Variants in DACH2 observed in about 807,000 individuals in gnomAD.
DACH2 encodes dachshund homolog 2.
DACH2 carries 17 observed loss-of-function variants against 35.8 expected under a neutral mutation model. The observed-to-expected ratio is 0.48, with a 90% confidence interval of 0.33 to 0.71. The LOEUF is 0.71. DACH2 is among the 30% of genes least tolerant of loss of function. The pLI is 0.02. For missense variants in DACH2, 469 were observed against 472.7 expected, an observed-to-expected ratio of 0.99 and a Z score of 0.07; for synonymous variants, 195 against 177.3, an observed-to-expected ratio of 1.10 and a Z score of -0.79.
At chrX:86,231,434 T>C (rs2032946261) in intron 1 of DACH2, among the ~76,000 whole-genome samples, 1 of 108,642 alleles carries the variant, frequency 9.2e-6, no homozygotes, top group Non-Finnish European at 1.9e-5. Context: ...AGACTCTCTT[T>C]GGGCAGGTCT....
chrX:86,794,083 A>G lies in DACH2; in HGVS notation c.1241-18773A>G, dbSNP rs934493741. On this transcript the variant is annotated intron_variant, in intron 7 of 11. Transcript: ENST00000373125. The stretch of plus-strand genomic sequence containing the variant: ...CCATTGCCTGTATAAGGCTTTTAAG[A>G]TATTTACAACAAAACATTTCCCTGT... Among the ~76,000 whole-genome samples, 6 of 111,772 alleles carry G rather than the reference A, an allele frequency of 5.4e-5. No homozygotes were observed. In the East Asian group the frequency reaches 1.7e-3, roughly 32 times the overall value.
intron 1 of DACH2, among the ~76,000 whole-genome samples, chrX:86,249,443 T>A (rs1189076370): frequency 9.0e-6 from 1 of 111,260 alleles, no homozygotes; most frequent in Non-Finnish European, 1.9e-5. Context: ...AACAAGCATA[T>A]GAAAAAATGT....
intron 1 of DACH2, among the ~76,000 whole-genome samples, chrX:86,249,305 G>C (rs2033352214): frequency 9.0e-6 from 1 of 110,927 alleles, no homozygotes; most frequent in Non-Finnish European, 1.9e-5. Flanking sequence ...TCTTATGCAT[G>C]CAACAAATGT....
chrX:86,739,751 G>A lies in DACH2; in HGVS notation c.1109G>A (p.Arg370Gln), dbSNP rs2041634061. The A allele has an allele frequency of 3.4e-6, 4 of 1,171,664 alleles. No homozygotes were observed. Among genetic ancestry groups the A allele is most frequent in the Non-Finnish European group, 4.6e-6 (4 of 875,270 alleles). Residue 370 changes from arginine (R) to glutamine (Q), a missense_variant, in exon 7 of 12, where the codon CGG becomes CAG. Arg to Gln is a conservative substitution (Grantham distance 43, BLOSUM62 1). Around this residue, in one of 3 missense-constraint regions of DACH2, gnomAD observed 363 missense variants for 334.4 expected, o/e 1.09. Transcript: ENST00000373125. ...TTGTGTTTCCTTTTGTGTCAGGAGCGGATCCCAGAGAGTCCTTCTCCTGCT... is the reference window on the plus strand; with the variant it reads ...TTGTGTTTCCTTTTGTGTCAGGAGCAGATCCCAGAGAGTCCTTCTCCTGCT... ...SRAGTSVIKE[R>Q]IPESPSPAPS...
chrX:86,595,639 T>A (rs2039701468), intron 3 of DACH2, among the ~76,000 whole-genome samples: 1 of 110,667 alleles, frequency 9.0e-6, no homozygotes, highest in Admixed American at 9.7e-5. Context: ...ATATCTTCCA[T>A]GTTTGTAACT....
At chrX:86,786,449 T>C (rs1439184624) in intron 7 of DACH2, among the ~76,000 whole-genome samples, 1 of 111,661 alleles carries the variant, frequency 9.0e-6, no homozygotes, top group East Asian at 2.8e-4. Context: ...ATGGTTATCA[T>C]CACAATAAGG....
chrX:86,695,038 TG>T lies in DACH2; in HGVS notation c.793del (p.Asp265IlefsTer23). 9.3e-7 allele frequency: 1 copy of T among 1,073,856 alleles called. No homozygotes were observed. 88.5% of individuals were successfully genotyped at this position (1,073,856 alleles called of 1,213,427 possible). On this transcript the variant is annotated frameshift_variant, in exon 5 of 12. Transcript: ENST00000373125. LOFTEE classifies it high-confidence loss of function. The part of the protein sequence containing the change: ...NSNTGGSESS[W>X]DKDKMQSPFA... ...TTTTTCAGGTGGAAGTGAATCCTCC[TG>T]GGATAAAGATAAGATGCAGTCTCCA...
chrX:86,670,330 T>A (rs1247497979), intron 4 of DACH2, among the ~76,000 whole-genome samples: 1 of 111,554 alleles, frequency 9.0e-6, no homozygotes, highest in Non-Finnish European at 1.9e-5. Context: ...ATGCTGAGAG[T>A]TATGTGGATT....
intron 2 of DACH2, among the ~76,000 whole-genome samples, chrX:86,503,793 G>T (rs993368939): frequency 3.6e-5 from 4 of 111,878 alleles, no homozygotes; most frequent in East Asian, 2.8e-4. Flanking sequence ...TATAGAAAGG[G>T]TTTATTTATA....
At chrX:86,656,855 G>GTATA (rs1216926312) in intron 4 of DACH2, among the ~76,000 whole-genome samples, 5 of 62,027 alleles carry the variant, frequency 8.1e-5, no homozygotes, top group African/African-American at 2.1e-4. Flanking sequence ...ATGTGTGTGT[G>GTATA]TGTATATATA....
intron 1 of DACH2, among the ~76,000 whole-genome samples, chrX:86,205,204 A>G (rs1465568289): frequency 9.0e-6 from 1 of 111,692 alleles, no homozygotes; most frequent in Non-Finnish European, 1.9e-5. Flanking sequence ...TTCACAGGAA[A>G]CAAATGACTT....
At chrX:86,411,927 C>T (rs774539672) in intron 2 of DACH2, among the ~76,000 whole-genome samples, 1 of 111,082 alleles carries the variant, frequency 9.0e-6, no homozygotes, top group East Asian at 2.8e-4. Context: ...TGTAATCCTG[C>T]CTGGATTGCA....
intron 1 of DACH2, among the ~76,000 whole-genome samples, chrX:86,293,608 G>T (rs2034363530): frequency 9.1e-6 from 1 of 110,017 alleles, no homozygotes; most frequent in Non-Finnish European, 1.9e-5. Flanking sequence ...AGCTCTTTTA[G>T]GGCAGGCCTG....
At chrX:86,388,742 C>A (rs1395475191) in intron 2 of DACH2, among the ~76,000 whole-genome samples, 1 of 111,623 alleles carries the variant, frequency 9.0e-6, no homozygotes, top group Non-Finnish European at 1.9e-5. Flanking sequence ...TATATACTAG[C>A]ATACCTTTGT....
chrX:86,231,710 A>C, intron 1 of DACH2, among the ~76,000 whole-genome samples: 1 of 112,246 alleles, frequency 8.9e-6, no homozygotes, highest in Non-Finnish European at 1.9e-5. Flanking sequence ...CTGCCTGTGA[A>C]GTCTGCAAGC....
chrX:86,772,225 G>A (rs1233158814), intron 7 of DACH2, among the ~76,000 whole-genome samples: 1 of 111,336 alleles, frequency 9.0e-6, no homozygotes, highest in Non-Finnish European at 1.9e-5. Flanking sequence ...TTATTATTGT[G>A]CTTAGTATAA....
At chrX:86,607,358 T>C (rs755059021) in intron 3 of DACH2, among the ~76,000 whole-genome samples, 1 of 111,473 alleles carries the variant, frequency 9.0e-6, no homozygotes, top group South Asian at 3.7e-4. Context: ...TTTGTTGTCA[T>C]ATTTTTTGGT....
chrX:86,442,353 TTTTGTGTGTGTG>T (rs2037178973), intron 2 of DACH2, among the ~76,000 whole-genome samples: 1 of 75,352 alleles, frequency 1.3e-5, no homozygotes, highest in African/African-American at 5.1e-5. Flanking sequence ...TTAAGTAGTA[TTTTGTGTGTGTG>T]TGTGTGTGTG....
rs371701480 is a variant in DACH2, at chrX:86,286,213, C to T, written c.489-90611C>T. 5.2e-5 allele frequency among the ~76,000 whole-genome samples: 5 copies of T among 95,854 alleles called. No individual in the cohort carries two copies. The East Asian group carries it at 1.3e-3, about 26-fold the overall frequency. 83.2% of individuals were successfully genotyped at this position (95,854 alleles called of 115,157 possible). On this transcript the variant is annotated intron_variant, in intron 1 of 11. Coordinates refer to ENST00000373125, the MANE Select transcript of DACH2 (RefSeq NM_053281.3). Reference sequence around the variant, plus strand: ...CGCAATCTCGGCTCACTGCAAGCTCCGCTTCCCGGGTTCACGCCATTCTCC... The same window carrying T: ...CGCAATCTCGGCTCACTGCAAGCTCTGCTTCCCGGGTTCACGCCATTCTCC...
Sources: allele counts gnomAD v4.1 joint callset (sites outside exome capture counted in the v4.1 genomes callset), GRCh38; gene constraint gnomAD v4.1.1; regional missense constraint gnomAD v4.1.1; transcripts MANE v1.5; gene names NCBI Gene and HGNC (gene_info 2026-07-23, HGNC 2026-07-21).